CCDC170: variants seen among roughly 807,000 people sequenced by gnomAD.
CCDC170 encodes the protein coiled-coil domain-containing protein 170.
A neutral mutation model predicts 72.6 loss-of-function variants in CCDC170; 69 were observed. That is an observed-to-expected ratio of 0.95 (90% CI 0.78 to 1.16). The LOEUF is 1.16. Among genes scored for constraint, CCDC170 ranks in the 50% most tolerant of loss-of-function variants. CCDC170 has a pLI of 0.00. For missense variants in CCDC170, 852 were observed against 832.5 expected, an observed-to-expected ratio of 1.02 and a Z score of -0.29; for synonymous variants, 300 against 303.9, an observed-to-expected ratio of 0.99 and a Z score of 0.13.
chr6:151,593,964 G>T (rs1776584023), intron 8 of CCDC170, among the ~76,000 whole-genome samples: 1 of 152,134 alleles, frequency 6.6e-6, no homozygotes. Flanking sequence ...AGGAGAACTG[G>T]GGGGACATTT....
At chr6:151,587,550 T>A (rs1193989794) in intron 7 of CCDC170, among the ~76,000 whole-genome samples, 1 of 152,142 alleles carries the variant, frequency 6.6e-6, no homozygotes, top group Non-Finnish European at 1.5e-5. Flanking sequence ...TGCCCTAAAG[T>A]TGAAACATGT....
In CCDC170 at chr6:151,577,676, C is replaced by T. The variant is rs968238026; in HGVS notation, c.1092+4185C>T. 3.0e-4 allele frequency among the ~76,000 whole-genome samples: 46 copies of T among 152,174 alleles called. 1 individual carries two copies. The highest frequency in any genetic ancestry group is 2.9e-3 in the Admixed American group (45 of 15,276). On this transcript the variant is annotated intron_variant, in intron 6 of 10. Coordinates refer to ENST00000239374, the MANE Select transcript of CCDC170 (RefSeq NM_025059.4). ...GCAAGGGTCTCCAACCCTCTGGCTG[C>T]GCACCCGCACCAGTGCCTGGCCTAG...
intron 6 of CCDC170, among the ~76,000 whole-genome samples, chr6:151,583,259 C>T (rs1776404635): frequency 6.6e-6 from 1 of 151,782 alleles, no homozygotes; most frequent in Admixed American, 6.6e-5. Context: ...TCCCAAAGTG[C>T]TGGGATTACA....
intron 1 of CCDC170, among the ~76,000 whole-genome samples, chr6:151,521,893 G>C (rs2115034018): frequency 6.6e-6 from 1 of 151,864 alleles, no homozygotes; most frequent in Middle Eastern, 3.4e-3. Flanking sequence ...GGCTGAGGCA[G>C]GAGGACGGTG....
At chr6:151,500,522 T>C (rs1041760228) in intron 1 of CCDC170, among the ~76,000 whole-genome samples, 1 of 151,902 alleles carries the variant, frequency 6.6e-6, no homozygotes, top group African/African-American at 2.4e-5. Flanking sequence ...TCTAAATATA[T>C]ACTATTTATG....
Position 151,536,307 on chromosome 6 carries a change from A to T in CCDC170, c.58-11A>T. 6.2e-7 allele frequency: 1 copy of T among 1,612,636 alleles called. No homozygotes were observed. The highest frequency in any genetic ancestry group is 8.5e-7 in the Non-Finnish European group (1 of 1,178,714). ...TTCTTTATATTTTGTATTTTGGGGGAATTCTACCAGGAAACTTACGATCAT... is the reference window on the plus strand; with the variant it reads ...TTCTTTATATTTTGTATTTTGGGGGTATTCTACCAGGAAACTTACGATCAT... On this transcript the variant is annotated splice_polypyrimidine_tract_variant and intron_variant, in intron 1 of 10. Coordinates refer to ENST00000239374, the MANE Select transcript of CCDC170 (RefSeq NM_025059.4).
At position 151,547,144 on chromosome 6, in the gene CCDC170, C is replaced by T. The variant is rs76991746; in HGVS notation, c.589-1160C>T. 2.6e-4 allele frequency among the ~76,000 whole-genome samples: 39 copies of T among 152,262 alleles called. 1 individual carries two copies. Among genetic ancestry groups the T allele is most frequent in the Admixed American group, 2.0e-3 (31 of 15,296 alleles). On this transcript the variant is annotated intron_variant, in intron 4 of 10. Coordinates refer to ENST00000239374, the MANE Select transcript of CCDC170 (RefSeq NM_025059.4). ...ACGCCCTCATAAACACGTGTGCACA[C>T]GCATTCGCAAGGAACCATGCATTCC...
At chr6:151,612,544 A>G (rs1372650093) in intron 9 of CCDC170, among the ~76,000 whole-genome samples, 1 of 152,066 alleles carries the variant, frequency 6.6e-6, no homozygotes, top group African/African-American at 2.4e-5. Context: ...GCATGATTCT[A>G]GGTTTCGTCA....
At chr6:151,504,166 A>G (rs921486001) in intron 1 of CCDC170, among the ~76,000 whole-genome samples, 2 of 152,230 alleles carry the variant, frequency 1.3e-5, no homozygotes, top group Non-Finnish European at 2.9e-5. Context: ...TTCAGCAATC[A>G]TATTGTAATA....
chr6:151,594,434 C>A (rs943565101), intron 8 of CCDC170, among the ~76,000 whole-genome samples: 5 of 152,184 alleles, frequency 3.3e-5, no homozygotes, highest in African/African-American at 1.2e-4. Flanking sequence ...TCTCCACTAC[C>A]ATATCTTGAG....
chr6:151,555,359 T>G (rs35564624), intron 5 of CCDC170, among the ~76,000 whole-genome samples: 23,726 of 151,900 alleles, frequency 0.16, 2,251 homozygotes, highest in East Asian at 0.46. Flanking sequence ...AAGATAAACA[T>G]GAGATTAATT....
intron 1 of CCDC170, among the ~76,000 whole-genome samples, chr6:151,500,505 A>T (rs932186968): frequency 7.4e-5 from 11 of 147,752 alleles, no homozygotes; most frequent in African/African-American, 2.1e-4. Flanking sequence ...ATATTGCATT[A>T]AAAAAATCTA....
chr6:151,570,436 A>C (rs1262264007), intron 5 of CCDC170, among the ~76,000 whole-genome samples: 1 of 152,254 alleles, frequency 6.6e-6, no homozygotes, highest in Non-Finnish European at 1.5e-5. Context: ...CAATACAAAT[A>C]ACAAAACAAC....
chr6:151,497,952 C>CAAAAAAAA (rs59201906), intron 1 of CCDC170, among the ~76,000 whole-genome samples: 88 of 57,992 alleles, frequency 1.5e-3, no homozygotes, highest in African/African-American at 2.5e-3. Context: ...CACACCATCT[C>CAAAAAAAA]AAAAAAAAAA....
At chr6:151,576,315 C>T (rs1278739230) in intron 6 of CCDC170, among the ~76,000 whole-genome samples, 1 of 152,080 alleles carries the variant, frequency 6.6e-6, no homozygotes, top group African/African-American at 2.4e-5. Context: ...ATATTAAATG[C>T]ATTTCTGACT....
chr6:151,610,273 T>A (rs910311270), intron 9 of CCDC170, among the ~76,000 whole-genome samples: 12 of 152,198 alleles, frequency 7.9e-5, no homozygotes, highest in Admixed American at 7.9e-4. Flanking sequence ...TAATTATGTA[T>A]ACATATATAT....
chr6:151,537,137 G>T (rs1782601727), intron 2 of CCDC170, among the ~76,000 whole-genome samples: 1 of 152,144 alleles, frequency 6.6e-6, no homozygotes, highest in Non-Finnish European at 1.5e-5. Context: ...CTTTCCTGTG[G>T]TAGTTCCAAC....
Position 151,494,121 on chromosome 6 carries a change from G to T in CCDC170, c.-8G>T, listed in dbSNP as rs1165502451. The stretch of plus-strand genomic sequence containing the variant: ...CGGGTCCGAGCGCGCCCCCGGGCTC[G>T]GGTCGTCATGAGCCTGGACTGCACC... On this transcript the variant is annotated 5_prime_UTR_variant, in exon 1 of 11. Transcript: ENST00000239374. 2.0e-6 allele frequency: 3 copies of T among 1,498,466 alleles called. No homozygotes were observed. Among genetic ancestry groups the T allele is most frequent in the Non-Finnish European group, 2.7e-6 (3 of 1,130,806 alleles). 92.8% of individuals were successfully genotyped at this position (1,498,466 alleles called of 1,614,324 possible).
chr6:151,503,973 A>G (rs1454267401), intron 1 of CCDC170, among the ~76,000 whole-genome samples: 1 of 152,210 alleles, frequency 6.6e-6, no homozygotes, highest in Non-Finnish European at 1.5e-5. Context: ...TGGCAGCTAC[A>G]TGCAATGCAT....
Sources: allele counts gnomAD v4.1 joint callset (sites outside exome capture counted in the v4.1 genomes callset), GRCh38; gene constraint gnomAD v4.1.1; transcripts MANE v1.5; gene names NCBI Gene and HGNC (gene_info 2026-07-23, HGNC 2026-07-21).